ITGA9: variants seen among roughly 807,000 people sequenced by gnomAD.
The protein encoded by ITGA9 is integrin alpha-9.
In ITGA9, 56 loss-of-function variants were observed where a neutral mutation model predicts 127.8. The ratio of observed to expected loss-of-function variants is 0.44; its 90% CI spans 0.35 to 0.55. The LOEUF (loss-of-function observed/expected upper bound fraction) is 0.55, where lower values mean the gene tolerates loss of function less well. Among genes scored for constraint, ITGA9 ranks in the 20% least tolerant of loss-of-function variants. The pLI is 0.00. For missense variants in ITGA9, 1,196 were observed against 1,347.1 expected (o/e 0.89, Z 1.76); for synonymous variants, 508 against 514.5 (o/e 0.99, Z 0.17).
intron 18 of ITGA9, among the ~76,000 whole-genome samples, chr3:37,731,161 C>T (rs1696286504): frequency 6.6e-6 from 1 of 152,226 alleles, no homozygotes; most frequent in African/African-American, 2.4e-5. Context: ...GTCTCTGTGT[C>T]TACTCAGAAA....
At chr3:37,720,687 T>G (rs935618268) in intron 18 of ITGA9, among the ~76,000 whole-genome samples, 1 of 152,246 alleles carries the variant, frequency 6.6e-6, no homozygotes, top group Non-Finnish European at 1.5e-5. Flanking sequence ...TACTTTGGGC[T>G]TTCTGTTACG....
At chr3:37,680,908 G>A (rs575379235) in intron 17 of ITGA9, among the ~76,000 whole-genome samples, 34 of 152,268 alleles carry the variant, frequency 2.2e-4, no homozygotes, top group Admixed American at 1.1e-3. Flanking sequence ...ATTGGAGGCC[G>A]TTCAAGAATT....
In ITGA9 at chr3:37,818,594, G is replaced by C. The variant is rs926503478; in HGVS notation, c.3010-297G>C. Reference sequence around the variant, plus strand: ...CCTTTTTTTACTCCCAAACACCTTTGAACAGCTCTCAGTAACTGGTATTCC... The same window carrying C: ...CCTTTTTTTACTCCCAAACACCTTTCAACAGCTCTCAGTAACTGGTATTCC... On this transcript the variant is annotated intron_variant, in intron 27 of 27. Transcript: ENST00000264741. 1.4e-5 allele frequency: 6 copies of C among 431,580 alleles called. 1 individual carries two copies. The highest frequency in any genetic ancestry group is 4.4e-5 in the South Asian group (2 of 45,632). 26.7% of individuals were successfully genotyped at this position (431,580 alleles called of 1,614,324 possible).
intron 5 of ITGA9, 80 bp from the exon 6 acceptor site, chr3:37,503,098 T>C: frequency 6.5e-7 from 1 of 1,536,708 alleles, no homozygotes; most frequent in Non-Finnish European, 8.9e-7. Context: ...TCTCCTTTGT[T>C]GTGACTGTGG....
intron 15 of ITGA9, among the ~76,000 whole-genome samples, chr3:37,621,405 C>G (rs1406725774): frequency 2.0e-5 from 3 of 152,222 alleles, no homozygotes; most frequent in Non-Finnish European, 4.4e-5. Context: ...CCCATACCCA[C>G]AGACCTGCCA....
At chr3:37,760,710 A>G (rs1696713878) in intron 23 of ITGA9, among the ~76,000 whole-genome samples, 1 of 152,242 alleles carries the variant, frequency 6.6e-6, no homozygotes, top group African/African-American at 2.4e-5. Flanking sequence ...TGTTAAAAAA[A>G]ATATTTGCAG....
chr3:37,523,414 C>T, intron 11 of ITGA9, 107 bp from the exon 12 acceptor site: 4 of 873,162 alleles, frequency 4.6e-6, no homozygotes, highest in Admixed American at 1.9e-5. Context: ...TTTCTTTCAA[C>T]AACTTTAAGA....
At chr3:37,706,655 G>C (rs1467718931) in intron 18 of ITGA9, among the ~76,000 whole-genome samples, 1 of 152,136 alleles carries the variant, frequency 6.6e-6, no homozygotes, top group Admixed American at 6.5e-5. Context: ...CCTGGCCAGG[G>C]GTGTCATTGA....
chr3:37,656,462 TG>T (rs1363997277), intron 17 of ITGA9, among the ~76,000 whole-genome samples: 1 of 152,216 alleles, frequency 6.6e-6, no homozygotes, highest in African/African-American at 2.4e-5. Context: ...CAATTGTGAA[TG>T]GGAGTTCACT....
intron 15 of ITGA9, among the ~76,000 whole-genome samples, chr3:37,544,333 A>G (rs542871853): frequency 1.8e-4 from 28 of 152,310 alleles, no homozygotes; most frequent in Non-Finnish European, 3.4e-4. Flanking sequence ...TCTGATATCT[A>G]GGGTTGCCAG....
intron 18 of ITGA9, among the ~76,000 whole-genome samples, chr3:37,714,919 ACT>A (rs879014105): frequency 1.3e-5 from 2 of 151,992 alleles, no homozygotes; most frequent in African/African-American, 2.4e-5. Flanking sequence ...GGACCTGATC[ACT>A]CTACCATATA....
At chr3:37,567,544 CAT>C (rs1310833700) in intron 15 of ITGA9, among the ~76,000 whole-genome samples, 2 of 152,142 alleles carry the variant, frequency 1.3e-5, no homozygotes, top group African/African-American at 2.4e-5. Context: ...TCCAAAGTCT[CAT>C]ATGAGACAAG....
At chr3:37,532,668 A>G (rs114605956) in intron 13 of ITGA9, among the ~76,000 whole-genome samples, 1,597 of 152,300 alleles carry the variant, frequency 0.01, 25 homozygotes, top group African/African-American at 0.036. Context: ...GAGATGGTCC[A>G]TGGCAGGGAG....
intron 15 of ITGA9, among the ~76,000 whole-genome samples, chr3:37,564,706 C>CA (rs1699528475): frequency 6.6e-6 from 1 of 152,224 alleles, no homozygotes; most frequent in South Asian, 2.1e-4. Flanking sequence ...CAACAGGCAC[C>CA]TGTTGAATGC....
At chr3:37,770,214 G>A (rs771961727) in intron 23 of ITGA9, among the ~76,000 whole-genome samples, 51 of 152,284 alleles carry the variant, frequency 3.3e-4, no homozygotes, top group Non-Finnish European at 6.0e-4. Context: ...CATGGGTGCC[G>A]TAAGGATTCA....
intron 6 of ITGA9, among the ~76,000 whole-genome samples, chr3:37,505,464 A>G (rs1490168266): frequency 2.6e-5 from 4 of 152,254 alleles, no homozygotes; most frequent in African/African-American, 9.6e-5. Context: ...AACGATGTGG[A>G]TGAATGTCAC....
Position 37,629,078 on chromosome 3 carries a change from T to C in ITGA9, c.1690-109T>C. On this transcript the variant is annotated intron_variant, in intron 15 of 27. Coordinates refer to ENST00000264741, the MANE Select transcript of ITGA9 (RefSeq NM_002207.3). The surrounding 1 kb of genome is among the most constrained non-coding windows in gnomAD (Gnocchi z 4.5). ...AAACCCTACCTCACGAGGGTGATTG[T>C]GAGGATTATATGAGGCAATTCATGT... 1 of 1,279,190 alleles carries C rather than the reference T, an allele frequency of 7.8e-7. No homozygotes were observed. Among genetic ancestry groups the C allele is most frequent in the East Asian group, 2.3e-5 (1 of 43,000 alleles). 79.2% of individuals were successfully genotyped at this position (1,279,190 alleles called of 1,614,324 possible).
At chr3:37,594,907 C>T (rs1699854555) in intron 15 of ITGA9, among the ~76,000 whole-genome samples, 1 of 152,136 alleles carries the variant, frequency 6.6e-6, no homozygotes, top group Non-Finnish European at 1.5e-5. Context: ...CCTCCTTCCT[C>T]AGCTTCCCAA....
In ITGA9 at chr3:37,499,324, C is replaced by T. The variant is rs73826593; in HGVS notation, c.613-3854C>T. Among the ~76,000 whole-genome samples, 330 of 152,304 alleles carry T rather than the reference C, an allele frequency of 2.2e-3. 2 individuals carry two copies. The highest frequency in any genetic ancestry group is 7.4e-3 in the African/African-American group (306 of 41,556). ...GTTGTAGATCCCGGGCACTCCTGCC[C>T]AGCTGCTCATGCCAACTTGCAGTAC... On this transcript the variant is annotated intron_variant, in intron 5 of 27. Transcript: ENST00000264741.
Sources: allele counts gnomAD v4.1 joint callset (sites outside exome capture counted in the v4.1 genomes callset), GRCh38; gene constraint gnomAD v4.1.1; non-coding constraint Gnocchi (gnomAD v3.1); transcripts MANE v1.5; gene names NCBI Gene and HGNC (gene_info 2026-07-23, HGNC 2026-07-21).